Variants in RASA3 observed in about 807,000 individuals in gnomAD.
RASA3 encodes RAS p21 protein activator 3.
RASA3 carries 73 observed loss-of-function variants against 110.0 expected under a neutral mutation model. That is an observed-to-expected ratio of 0.66 (90% CI 0.55 to 0.81). RASA3 has a LOEUF of 0.81. Ranked by LOEUF, RASA3 falls within the 30% of genes least tolerant of loss-of-function variation. RASA3 has a pLI of 0.00. For synonymous variants in RASA3, 500 were observed against 451.4 expected (o/e 1.11, Z -1.37); for missense variants, 976 against 1,113.2 (o/e 0.88, Z 1.75).
intron 18 of RASA3, among the ~76,000 whole-genome samples, chr13:114,004,109 GA>G (rs2053462408): frequency 6.6e-6 from 1 of 152,220 alleles, no homozygotes; most frequent in Non-Finnish European, 1.5e-5. Flanking sequence ...GTGATTTTAA[GA>G]AAAATAGCAA....
intron 1 of RASA3, 139 bp from the exon 2 acceptor site, chr13:114,073,976 C>G: frequency 1.3e-6 from 1 of 756,582 alleles, no homozygotes; most frequent in Non-Finnish European, 2.3e-6. Flanking sequence ...CACCACAAGT[C>G]AAAATGTGGA....
intron 1 of RASA3, among the ~76,000 whole-genome samples, chr13:114,121,262 C>T (rs1020631298): frequency 1.3e-5 from 2 of 152,252 alleles, no homozygotes; most frequent in Non-Finnish European, 2.9e-5. Flanking sequence ...ACACATCCCG[C>T]CGAGCCTCCT....
At chr13:114,025,231 C>T (rs1353837126) in intron 7 of RASA3, among the ~76,000 whole-genome samples, 1 of 152,236 alleles carries the variant, frequency 6.6e-6, no homozygotes, top group Non-Finnish European at 1.5e-5. Flanking sequence ...AACTGCCTAA[C>T]CTCTGAGCTT....
In RASA3 at chr13:114,054,819, C is replaced by T. The variant is rs113745852; in HGVS notation, c.174-2664G>A. Among the ~76,000 whole-genome samples, 8 of 152,384 alleles carry T rather than the reference C, an allele frequency of 5.2e-5. 1 individual carries two copies. The highest frequency in any genetic ancestry group is 1.4e-4 in the African/African-American group (6 of 41,594). Reference sequence around the variant, plus strand: ...TTAATGAAGGCCCATTAGAAAGTCACGTTTCCTTTAAACACATTCTCGCGT... The same window carrying T: ...TTAATGAAGGCCCATTAGAAAGTCATGTTTCCTTTAAACACATTCTCGCGT... On this transcript the variant is annotated intron_variant, in intron 2 of 23. Coordinates refer to ENST00000334062, the MANE Select transcript of RASA3 (RefSeq NM_007368.4).
intron 2 of RASA3, among the ~76,000 whole-genome samples, chr13:114,070,557 GC>G (rs2079553709): frequency 6.6e-6 from 1 of 152,206 alleles, no homozygotes. Context: ...GGGGCGGCCA[GC>G]CCGCACAGCC....
chr13:113,990,250 G>A (rs1463511418), intron 22 of RASA3, among the ~76,000 whole-genome samples: 1 of 152,034 alleles, frequency 6.6e-6, no homozygotes, highest in African/African-American at 2.4e-5. Context: ...AATACACCAG[G>A]CTATGGGGAT....
intron 3 of RASA3, among the ~76,000 whole-genome samples, chr13:114,042,322 C>A (rs1032605254): frequency 3.3e-5 from 5 of 152,278 alleles, no homozygotes; most frequent in Non-Finnish European, 5.9e-5. Flanking sequence ...CGGTGAGCAC[C>A]CACGGCAGCA....
At chr13:114,043,837 G>GCCCCCCCCCCCCCGCCT (rs544129523) in intron 3 of RASA3, among the ~76,000 whole-genome samples, 1 of 22,826 alleles carries the variant, frequency 4.4e-5, no homozygotes. Context: ...CACTCGCTGA[G>GCCCCCCCCCCCCCGCCT]CCCCCCGCCC....
Position 113,996,542 on chromosome 13 carries a change from C to A in RASA3, c.2130G>T (p.Ser710=), listed in dbSNP as rs150892845. ...AGGCACAGACCTACCCAGTGCAGGG[C>A]GAGCAGCCCGGAGCCGAGTCGGATG... ...RAPSDSAPGC[S]PCTGGLPANI... The change falls in exon 21 of 24, where the codon TCG becomes TCT. Residue 710 remains serine (S), a synonymous_variant. Coordinates refer to ENST00000334062, the MANE Select transcript of RASA3 (RefSeq NM_007368.4). 115 of 1,611,992 alleles carry A rather than the reference C, an allele frequency of 7.1e-5. No individual in the cohort carries two copies. Among genetic ancestry groups the A allele is most frequent in the Non-Finnish European group, 1.2e-5 (14 of 1,179,810 alleles).
At chr13:114,073,941 C>G (rs973525460) in intron 1 of RASA3, 104 bp from the exon 2 acceptor site, 2 of 995,076 alleles carry the variant, frequency 2.0e-6, no homozygotes, top group African/African-American at 3.2e-5. Context: ...TTCACTAGCT[C>G]TCTATAAAGC....
In RASA3 at chr13:114,115,118, C is replaced by T. The variant is rs117295582; in HGVS notation, c.55+17317G>A. Among the ~76,000 whole-genome samples, 2,088 of 152,316 alleles carry T rather than the reference C, an allele frequency of 0.014. 131 individuals are homozygous for T. Among genetic ancestry groups the T allele is most frequent in the Admixed American group, 0.099 (1,508 of 15,306 alleles). On this transcript the variant is annotated intron_variant, in intron 1 of 23. Transcript: ENST00000334062. This position sits in a 1 kb window ranked among gnomAD's most constrained non-coding sequence, Gnocchi z 5.0. ...GGAGAAGGCTTCTCCACAGAGAGGC[C>T]GCTGAACAAGGCACAGGGCCAGGTC...
chr13:114,088,554 A>ATTT (rs774913747), intron 1 of RASA3, among the ~76,000 whole-genome samples: 2 of 20,196 alleles, frequency 9.9e-5, no homozygotes, highest in East Asian at 2.1e-3. Flanking sequence ...TCCCAAATTA[A>ATTT]TTTTTTTTTT....
chr13:114,130,590 C>G (rs2139810192), intron 1 of RASA3, among the ~76,000 whole-genome samples: 1 of 152,250 alleles, frequency 6.6e-6, no homozygotes, highest in Admixed American at 6.5e-5. Flanking sequence ...AAGCTGCCTT[C>G]TGGGAGACTC....
rs767204657 is a variant in RASA3, at chr13:114,041,047, C to T, written c.325G>A (p.Asp109Asn). The change falls in exon 4 of 24, where the codon GAC becomes AAC. Residue 109 changes from aspartate (D) to asparagine (N), a missense_variant. By Grantham distance (23) the Asp-to-Asn change is conservative. This residue lies in a region of RASA3 where 732 missense variants were observed against 779.7 expected (regional missense o/e 0.94). Transcript: ENST00000334062. Reference protein sequence around the residue: ...KEDLQKYHNRDTWFQLQHVDA... With the variant: ...KEDLQKYHNRNTWFQLQHVDA... Reference sequence around the variant, plus strand: ...ACGTGCTGCAGCTGGAACCAGGTGTCCCTGTTGTGGTACTTCTGCAAGTCC... The same window carrying T: ...ACGTGCTGCAGCTGGAACCAGGTGTTCCTGTTGTGGTACTTCTGCAAGTCC... 6.2e-6 allele frequency: 10 copies of T among 1,613,828 alleles called. No individual in the cohort carries two copies. Among genetic ancestry groups the T allele is most frequent in the South Asian group, 1.1e-5 (1 of 91,090 alleles).
At chr13:114,022,642 C>T (rs1325959633) in intron 8 of RASA3, among the ~76,000 whole-genome samples, 2 of 152,198 alleles carry the variant, frequency 1.3e-5, no homozygotes, top group African/African-American at 2.4e-5. Context: ...GAACCCACAG[C>T]GCGTTCCTTT....
intron 18 of RASA3, among the ~76,000 whole-genome samples, chr13:114,001,968 C>T (rs538540324): frequency 6.6e-6 from 1 of 152,388 alleles, no homozygotes; most frequent in South Asian, 2.1e-4. Flanking sequence ...GGATGCAAGG[C>T]CTCAGCGAGG....
chr13:114,017,332 G>T lies in RASA3; in HGVS notation c.1111C>A (p.Arg371=), dbSNP rs781295846. The stretch of plus-strand genomic sequence containing the variant: ...CACTTGGACGCCAGTGAGTTTCCTC[G>T]GAAGATGGTGTTGGGGTCCCTGGGA... ...KRTQDPNTIF[R]GNSLASKCID... is the part of the protein sequence containing the mutation. Residue 371 remains arginine, a synonymous_variant, in exon 12 of 24, where the codon CGA becomes AGA. Transcript: ENST00000334062. 1.3e-4 allele frequency: 206 copies of T among 1,613,786 alleles called. 2 individuals are homozygous for T. The South Asian group carries it at 2.0e-3, about 16-fold the overall frequency.
chr13:114,023,946 T>A (rs2053979532), intron 8 of RASA3, among the ~76,000 whole-genome samples: 2 of 152,164 alleles, frequency 1.3e-5, no homozygotes, highest in African/African-American at 2.4e-5. Flanking sequence ...CCCTGCGACC[T>A]CTGAGTGAGG....
chr13:114,075,035 G>A (rs1192883369), intron 1 of RASA3, among the ~76,000 whole-genome samples: 1 of 152,156 alleles, frequency 6.6e-6, no homozygotes, highest in Non-Finnish European at 1.5e-5. Context: ...CCGTCATTTG[G>A]CTCTAAAGAC....
Sources: gnomAD v4.1 joint callset for allele counts (sites outside exome capture counted in the v4.1 genomes callset) on GRCh38, gnomAD v4.1.1 for gene constraint, gnomAD v4.1.1 regional missense constraint, Gnocchi (gnomAD v3.1) non-coding constraint, MANE v1.5 for transcripts, NCBI Gene and HGNC (gene_info 2026-07-23, HGNC 2026-07-21) for gene names.